Variants in COL24A1 observed in about 807,000 individuals in gnomAD.
COL24A1 encodes collagen alpha-1(XXIV) chain.
In COL24A1, 224 loss-of-function variants were observed where a neutral mutation model predicts 253.9. The ratio of observed to expected loss-of-function variants is 0.88; its 90% CI spans 0.79 to 0.99. COL24A1 has a LOEUF of 0.99. COL24A1 is among the 50% of genes least tolerant of loss of function. The pLI is 0.00. For synonymous variants in COL24A1, 685 were observed against 673.7 expected (o/e 1.02, Z -0.26); for missense variants, 2,131 against 2,068.5 (o/e 1.03, Z -0.59).
chr1:86,089,377 C>T, intron 6 of COL24A1, 150 bp from the exon 7 acceptor site: 1 of 677,970 alleles, frequency 1.5e-6, no homozygotes, highest in South Asian at 1.8e-5. Context: ...TCTGAGGCTT[C>T]CTGCCTTTCC....
At chr1:86,138,532 G>A (rs889989825) in intron 2 of COL24A1, among the ~76,000 whole-genome samples, 4 of 152,080 alleles carry the variant, frequency 2.6e-5, no homozygotes, top group African/African-American at 9.7e-5. Flanking sequence ...TAGATCTGAT[G>A]GTTTTTTAAG....
At chr1:86,058,264 C>T (rs1395052171) in intron 9 of COL24A1, among the ~76,000 whole-genome samples, 1 of 151,698 alleles carries the variant, frequency 6.6e-6, no homozygotes. Context: ...CATTGGAAGA[C>T]TGTGTTGTTT....
At chr1:86,020,564 G>A (rs1322009657) in intron 18 of COL24A1, among the ~76,000 whole-genome samples, 1 of 152,094 alleles carries the variant, frequency 6.6e-6, no homozygotes, top group Non-Finnish European at 1.5e-5. Context: ...TTTGCCTTGT[G>A]TAAGCACGAT....
chr1:85,994,233 T>C (rs536010477), intron 19 of COL24A1, among the ~76,000 whole-genome samples: 124 of 152,002 alleles, frequency 8.2e-4, no homozygotes, highest in African/African-American at 2.8e-3. Flanking sequence ...AACATGTAAA[T>C]TATGAATTCT....
chr1:86,125,579 T>C lies in COL24A1; in HGVS notation c.757A>G (p.Ser253Gly). Residue 253 changes from serine to glycine, a missense_variant, in exon 3 of 60, where the codon AGC becomes GGC. Ser to Gly is a moderately conservative substitution (Grantham distance 56, BLOSUM62 0). Coordinates refer to ENST00000370571, the MANE Select transcript of COL24A1 (RefSeq NM_152890.7). ...GGTATGAGAGTTGTACAAGGAATGCTTGTTTCAGGTTGGTATTTGTCTGCT... is the reference window on the plus strand; with the variant it reads ...GGTATGAGAGTTGTACAAGGAATGCCTGTTTCAGGTTGGTATTTGTCTGCT... Reference protein sequence around the residue: ...RQADKYQPETSIPCTTLIPTK... With the variant: ...RQADKYQPETGIPCTTLIPTK... 6.2e-7 allele frequency: 1 copy of C among 1,613,536 alleles called. No individual in the cohort carries two copies. Among genetic ancestry groups the C allele is most frequent in the Non-Finnish European group, 8.5e-7 (1 of 1,179,748 alleles).
intron 28 of COL24A1, among the ~76,000 whole-genome samples, chr1:85,906,277 T>TTTTTTTTTTTTTTTTTTTTC (rs1684817809): frequency 6.8e-6 from 1 of 147,610 alleles, no homozygotes; most frequent in Non-Finnish European, 1.5e-5. Context: ...TTTTTTTTTT[T>TTTTTTTTTTTTTTTTTTTTC]ACCATGGTTA....
intron 55 of COL24A1, among the ~76,000 whole-genome samples, chr1:85,754,832 G>A (rs11485287): frequency 0.03 from 4,527 of 152,106 alleles, 77 homozygotes; most frequent in East Asian, 0.082. Flanking sequence ...GAGATCTGTA[G>A]GACACTGTCA....
intron 20 of COL24A1, among the ~76,000 whole-genome samples, chr1:85,985,282 T>C (rs1281913005): frequency 2.0e-5 from 3 of 151,768 alleles, no homozygotes; most frequent in African/African-American, 4.8e-5. Flanking sequence ...ACAAAAAATA[T>C]GGCATGTAAG....
intron 52 of COL24A1, among the ~76,000 whole-genome samples, chr1:85,779,254 A>T (rs1179369190): frequency 6.6e-6 from 1 of 152,176 alleles, no homozygotes; most frequent in Non-Finnish European, 1.5e-5. Flanking sequence ...ACTCAAAGTA[A>T]TTCCATCTCT....
chr1:85,838,725 C>A (rs1256120746), intron 42 of COL24A1, 87 bp from the exon 43 acceptor site: 7 of 1,258,136 alleles, frequency 5.6e-6, no homozygotes, highest in African/African-American at 3.0e-5. Context: ...GTTGTTTATT[C>A]TTTTGTCAAA....
chr1:85,820,805 A>AT (rs1673542851), intron 45 of COL24A1, among the ~76,000 whole-genome samples: 1 of 152,212 alleles, frequency 6.6e-6, no homozygotes, highest in South Asian at 2.1e-4. Context: ...AATCAGATCC[A>AT]TTTTGAAAGG....
At chr1:85,734,455 C>T (rs1274567132) in intron 59 of COL24A1, among the ~76,000 whole-genome samples, 3 of 152,136 alleles carry the variant, frequency 2.0e-5, no homozygotes, top group African/African-American at 7.2e-5. Flanking sequence ...ATCTATCCAT[C>T]CATCCATCCT....
At chr1:85,981,892 T>A (rs555727169) in intron 20 of COL24A1, among the ~76,000 whole-genome samples, 3 of 152,266 alleles carry the variant, frequency 2.0e-5, no homozygotes, top group African/African-American at 7.2e-5. Flanking sequence ...AGTGCAAGTA[T>A]CCTGTTTACA....
chr1:85,917,831 AGCAG>A (rs1272168909), intron 24 of COL24A1, among the ~76,000 whole-genome samples: 1 of 151,998 alleles, frequency 6.6e-6, no homozygotes, highest in Non-Finnish European at 1.5e-5. Flanking sequence ...CAGCCTCCTG[AGCAG>A]CTGGGACTAC....
chr1:85,803,742 T>C (rs79740171), intron 47 of COL24A1, among the ~76,000 whole-genome samples: 7,442 of 152,196 alleles, frequency 0.049, 490 homozygotes, highest in African/African-American at 0.14. Flanking sequence ...CTAAACTCAG[T>C]TTTCCGTAGA....
intron 39 of COL24A1, among the ~76,000 whole-genome samples, chr1:85,843,190 A>G (rs1013382158): frequency 2.0e-5 from 3 of 152,164 alleles, no homozygotes; most frequent in Non-Finnish European, 4.4e-5. Context: ...GATTCTGCAT[A>G]TATAGTATTT....
rs182504911 is a variant in COL24A1, at chr1:86,146,266, A to G, written c.57-83T>C. On this transcript the variant is annotated intron_variant, in intron 1 of 59. Transcript: ENST00000370571. ...TAGAATCCAAAACAGTCTATGCAAG[A>G]TTAAGAATTAAGCAATTATTTTAAA... 433 of 986,660 alleles carry G rather than the reference A, an allele frequency of 4.4e-4. 1 individual carries two copies. The highest frequency in any genetic ancestry group is 3.4e-3 in the Admixed American group (151 of 45,002). 61.1% of individuals were successfully genotyped at this position (986,660 alleles called of 1,614,324 possible).
intron 19 of COL24A1, among the ~76,000 whole-genome samples, chr1:85,997,761 CAGAAAA>C (rs1694983966): frequency 1.0e-5 from 1 of 98,892 alleles, no homozygotes; most frequent in South Asian, 3.9e-4. Flanking sequence ...AGCCTGGCTA[CAGAAAA>C]AAAAAAAAAA....
chr1:85,864,633 T>C (rs1277693723), intron 37 of COL24A1, among the ~76,000 whole-genome samples: 1 of 152,198 alleles, frequency 6.6e-6, no homozygotes, highest in Non-Finnish European at 1.5e-5. Flanking sequence ...GATAATCTTC[T>C]CATCTTTATG....
Sources: gnomAD v4.1 joint callset for allele counts (sites outside exome capture counted in the v4.1 genomes callset) on GRCh38, gnomAD v4.1.1 for gene constraint, MANE v1.5 for transcripts, NCBI Gene and HGNC (gene_info 2026-07-23, HGNC 2026-07-21) for gene names.